The following LYPLA1 variants were observed in gnomAD, a reference collection of about 807,000 sequenced individuals.
The protein encoded by LYPLA1 is acyl-protein thioesterase 1.
LYPLA1 carries 17 observed loss-of-function variants against 34.0 expected under a neutral mutation model. That is an observed-to-expected ratio of 0.50 (90% CI 0.34 to 0.75). The LOEUF (loss-of-function observed/expected upper bound fraction) is 0.75, where lower values mean the gene tolerates loss of function less well. LYPLA1 is among the 30% of genes least tolerant of loss of function. The pLI is 0.01. For synonymous variants in LYPLA1, 98 were observed against 100.8 expected, an observed-to-expected ratio of 0.97 and a Z score of 0.17; for missense variants, 203 against 288.8, an observed-to-expected ratio of 0.70 and a Z score of 2.15.
At chr8:54,058,074 T>C (rs766979147) in intron 5 of LYPLA1, among the ~76,000 whole-genome samples, 3 of 152,226 alleles carry the variant, frequency 2.0e-5, no homozygotes, top group Non-Finnish European at 2.9e-5. Flanking sequence ...ATTCTGCTCA[T>C]ATATATTCCA....
chr8:54,051,400 C>A (rs1264314134), intron 7 of LYPLA1, among the ~76,000 whole-genome samples: 1 of 152,128 alleles, frequency 6.6e-6, no homozygotes, highest in Non-Finnish European at 1.5e-5. Flanking sequence ...TAATATATAT[C>A]TTCCCAGTGA....
At chr8:54,081,503 T>G (rs1456509607) in intron 2 of LYPLA1, among the ~76,000 whole-genome samples, 1 of 151,810 alleles carries the variant, frequency 6.6e-6, no homozygotes, top group Non-Finnish European at 1.5e-5. Context: ...CAGGATGGAG[T>G]GCAGCCTGTA....
At chr8:54,073,362 C>T (rs1807643093) in intron 2 of LYPLA1, 1 of 802,560 alleles carries the variant, frequency 1.2e-6, no homozygotes, top group African/African-American at 1.7e-5. Flanking sequence ...GGTCTGTGCC[C>T]CATGACACCT....
chr8:54,054,942 A>G, intron 6 of LYPLA1, 118 bp downstream of exon 6: 1 of 651,794 alleles, frequency 1.5e-6, no homozygotes, highest in South Asian at 1.9e-5. Flanking sequence ...ATCAAAGGTA[A>G]GTGTATCAGT....
At chr8:54,078,606 G>A (rs1808075060) in intron 2 of LYPLA1, among the ~76,000 whole-genome samples, 2 of 152,152 alleles carry the variant, frequency 1.3e-5, no homozygotes, top group Admixed American at 1.3e-4. Context: ...CACCAGATTT[G>A]GCTGAGTGTG....
chr8:54,054,079 C>T (rs146257301), intron 6 of LYPLA1, among the ~76,000 whole-genome samples: 13 of 152,254 alleles, frequency 8.5e-5, no homozygotes, highest in Admixed American at 7.2e-4. Flanking sequence ...CTCCTGGGTT[C>T]AAGTGATTTT....
chr8:54,053,426 T>G, intron 6 of LYPLA1: 1 of 329,458 alleles, frequency 3.0e-6, no homozygotes, highest in Non-Finnish European at 6.1e-6. Flanking sequence ...AATGAGAATT[T>G]AAGATAATAA....
chr8:54,050,106 T>C (rs2129322167), intron 8 of LYPLA1, among the ~76,000 whole-genome samples: 1 of 152,372 alleles, frequency 6.6e-6, no homozygotes, highest in African/African-American at 2.4e-5. Context: ...TGATCAATTA[T>C]ATTAGTAATT....
intron 2 of LYPLA1, among the ~76,000 whole-genome samples, chr8:54,099,640 C>T (rs1258974572): frequency 1.3e-5 from 2 of 151,886 alleles, no homozygotes; most frequent in African/African-American, 2.4e-5. Context: ...CCAGCCAGGG[C>T]AACACAGCAG....
chr8:54,089,504 G>GGA (rs1207181635), intron 2 of LYPLA1, among the ~76,000 whole-genome samples: 1 of 136,752 alleles, frequency 7.3e-6, no homozygotes, highest in Non-Finnish European at 1.5e-5. Flanking sequence ...GGGGGGGGCG[G>GGA]GATCTTTGAA....
intron 2 of LYPLA1, among the ~76,000 whole-genome samples, chr8:54,077,466 T>C (rs1482565655): frequency 6.6e-6 from 1 of 152,190 alleles, no homozygotes; most frequent in African/African-American, 2.4e-5. Context: ...CTTGCAGATG[T>C]ACTCCTGAAT....
intron 4 of LYPLA1, 148 bp from the exon 5 acceptor site, chr8:54,062,472 T>C (rs1806722224): frequency 3.2e-6 from 1 of 313,928 alleles, no homozygotes; most frequent in Non-Finnish European, 5.6e-6. Flanking sequence ...TAATTTATTT[T>C]TTGAGACGAA....
At chr8:54,070,606 C>A (rs975353582) in intron 2 of LYPLA1, among the ~76,000 whole-genome samples, 4 of 152,090 alleles carry the variant, frequency 2.6e-5, no homozygotes, top group African/African-American at 9.7e-5. Flanking sequence ...GCCTGTAGTA[C>A]CAGCGACTGG....
At chr8:54,070,220 CAGG>C (rs1310480020) in intron 2 of LYPLA1, among the ~76,000 whole-genome samples, 1 of 152,152 alleles carries the variant, frequency 6.6e-6, no homozygotes, top group Non-Finnish European at 1.5e-5. Flanking sequence ...GAGGCTGAGG[CAGG>C]AGAATTGCTG....
At chr8:54,063,544 C>T (rs573550366) in intron 3 of LYPLA1, among the ~76,000 whole-genome samples, 169 bp from the exon 4 acceptor site, 5 of 152,314 alleles carry the variant, frequency 3.3e-5, no homozygotes, top group African/African-American at 7.2e-5. Context: ...CTGCTTTCCA[C>T]GCCCCTCCAA....
At position 54,100,900 on chromosome 8, in the gene LYPLA1, G is replaced by C. The variant is rs1810085005; in HGVS notation, c.101+8C>G. 3 of 1,605,790 alleles carry C rather than the reference G, an allele frequency of 1.9e-6. No individual in the cohort carries two copies. The highest frequency in any genetic ancestry group is 2.7e-5 in the African/African-American group (2 of 74,682). On this transcript the variant is annotated splice_region_variant and intron_variant, in intron 2 of 8. Transcript: ENST00000316963. ...ATTACTGTTACTATTAATAATAATGGTACCTACCCAGTATCTCCCAATCCA... is the reference window on the plus strand; with the variant it reads ...ATTACTGTTACTATTAATAATAATGCTACCTACCCAGTATCTCCCAATCCA...
chr8:54,079,793 T>TC (rs1586144887), intron 2 of LYPLA1, among the ~76,000 whole-genome samples: 1 of 151,464 alleles, frequency 6.6e-6, no homozygotes, highest in South Asian at 2.1e-4. Context: ...AGACCTCGTT[T>TC]CCCCCTGAAA....
intron 3 of LYPLA1, among the ~76,000 whole-genome samples, 191 bp from the exon 4 acceptor site, chr8:54,063,566 A>G (rs1806818782): frequency 6.6e-6 from 1 of 152,364 alleles, no homozygotes; most frequent in East Asian, 1.9e-4. Flanking sequence ...TGTGTTCTGA[A>G]GACAGAGCAA....
intron 1 of LYPLA1, 104 bp from the exon 2 acceptor site, chr8:54,101,043 G>A (rs1328183352): frequency 1.1e-6 from 1 of 949,930 alleles, no homozygotes; most frequent in Non-Finnish European, 1.7e-6. Context: ...AAACCTACGA[G>A]AGAATTACAC....
Sources: allele counts gnomAD v4.1 joint callset (sites outside exome capture counted in the v4.1 genomes callset), GRCh38; gene constraint gnomAD v4.1.1; transcripts MANE v1.5; gene names NCBI Gene and HGNC (gene_info 2026-07-23, HGNC 2026-07-21).